The following SYNE2 variants were observed in gnomAD, a reference collection of about 807,000 sequenced individuals.
SYNE2 encodes nesprin-2.
A neutral mutation model predicts 856.3 loss-of-function variants in SYNE2; 431 were observed. The ratio of observed to expected loss-of-function variants is 0.50; its 90% CI spans 0.47 to 0.55. The LOEUF (loss-of-function observed/expected upper bound fraction) is 0.55. Ranked by LOEUF, SYNE2 falls within the 20% of genes least tolerant of loss-of-function variation. The pLI is 0.00. For synonymous variants in SYNE2, 2,923 were observed against 2,872.3 expected (o/e 1.02, Z -0.56); for missense variants, 8,129 against 8,023.2 (o/e 1.01, Z -0.50).
chr14:63,996,833 G>A (rs187939421), intron 23 of SYNE2, 114 bp from the exon 24 acceptor site: 620 of 947,952 alleles, frequency 6.5e-4, no homozygotes, highest in Non-Finnish European at 8.8e-4. Context: ...GCATGTAGAT[G>A]GCCTATACAA....
intron 35 of SYNE2, 108 bp from the exon 36 acceptor site, chr14:64,021,207 A>G (rs1261852806): frequency 3.5e-6 from 3 of 862,604 alleles, no homozygotes; most frequent in South Asian, 1.4e-5. Context: ...AAAAGAATGC[A>G]TTTCACATTG....
intron 100 of SYNE2, among the ~76,000 whole-genome samples, chr14:64,204,732 T>C (rs2098597001): frequency 6.6e-6 from 1 of 152,178 alleles, no homozygotes; most frequent in African/African-American, 2.4e-5. Flanking sequence ...GGACTACCAT[T>C]ATTGTAAAGA....
rs1196877660 is a variant in SYNE2 at position 64,158,811 on chromosome 14, C to T, written c.15963+16C>T. ...GAACCTTCAGGTAAATTAACCAGAG[C>T]TTGGCATGGTGCATTATTGGCAGGA... On this transcript the variant is annotated intron_variant, in intron 86 of 115. Transcript: ENST00000555002. 6.2e-7 allele frequency: 1 copy of T among 1,613,390 alleles called. No homozygotes were observed. Among genetic ancestry groups the T allele is most frequent in the Non-Finnish European group, 8.5e-7 (1 of 1,179,590 alleles).
At chr14:64,011,867 TGA>T (rs1348547004) in intron 32 of SYNE2, among the ~76,000 whole-genome samples, 4 of 152,182 alleles carry the variant, frequency 2.6e-5, no homozygotes, top group Admixed American at 1.3e-4. Context: ...CATTCCTGGG[TGA>T]GTCTCCCTAA....
intron 1 of SYNE2, among the ~76,000 whole-genome samples, chr14:63,871,374 T>C (rs1896801336): frequency 6.6e-6 from 1 of 151,840 alleles, no homozygotes; most frequent in African/African-American, 2.4e-5. Context: ...CCCGGCTAAT[T>C]TTTTTGTATT....
intron 1 of SYNE2, among the ~76,000 whole-genome samples, chr14:63,841,437 A>T (rs1338304325): frequency 6.6e-6 from 1 of 152,210 alleles, no homozygotes; most frequent in Non-Finnish European, 1.5e-5. Context: ...AAACCCTAAG[A>T]TAAATCATCT....
intron 8 of SYNE2, among the ~76,000 whole-genome samples, chr14:63,955,610 G>A (rs10145672): frequency 0.19 from 29,635 of 151,978 alleles, 3,298 homozygotes; most frequent in African/African-American, 0.31. Flanking sequence ...GGTCAAGCAC[G>A]TATGAATTCT....
At chr14:64,152,519 T>C in intron 84 of SYNE2, 45 bp from the exon 85 acceptor site, 2 of 1,603,796 alleles carry the variant, frequency 1.2e-6, no homozygotes, top group Non-Finnish European at 1.7e-6. Context: ...TATTAATTGT[T>C]TTGTAATATT....
chr14:64,149,289 C>T (rs1250887586), intron 84 of SYNE2, among the ~76,000 whole-genome samples: 7 of 151,890 alleles, frequency 4.6e-5, no homozygotes, highest in Admixed American at 1.3e-4. Flanking sequence ...CTGGATAAGA[C>T]CCCATCTCTA....
chr14:64,202,329 C>A (rs1350757119), intron 99 of SYNE2: 1 of 701,674 alleles, frequency 1.4e-6, no homozygotes, highest in Non-Finnish European at 2.6e-6. Flanking sequence ...GCCTTGTGGA[C>A]CAAATACCAC....
intron 96 of SYNE2, among the ~76,000 whole-genome samples, chr14:64,182,952 A>T (rs7159868): frequency 0.22 from 32,686 of 151,324 alleles, 3,837 homozygotes; most frequent in Middle Eastern, 0.3. Context: ...CACTTCCCAG[A>T]AGGGGCGGCC....
At chr14:63,919,583 T>C (rs1305812548) in intron 2 of SYNE2, among the ~76,000 whole-genome samples, 7 of 152,080 alleles carry the variant, frequency 4.6e-5, no homozygotes, top group Non-Finnish European at 1.5e-5. Flanking sequence ...CCTTTGGGTC[T>C]TTCCGTGTTT....
chr14:63,940,261 G>A (rs528530791), intron 2 of SYNE2, among the ~76,000 whole-genome samples: 1 of 151,900 alleles, frequency 6.6e-6, no homozygotes, highest in African/African-American at 2.4e-5. Flanking sequence ...TCTGTATGTT[G>A]TCCAGGCTGG....
intron 3 of SYNE2, 82 bp from the exon 4 acceptor site, chr14:63,941,613 A>G: frequency 8.1e-7 from 1 of 1,229,920 alleles, no homozygotes; most frequent in South Asian, 1.3e-5. Context: ...TTAGTTTTTC[A>G]CAAAGCACAT....
intron 6 of SYNE2, among the ~76,000 whole-genome samples, chr14:63,945,015 C>T (rs946849995): frequency 6.7e-6 from 1 of 150,034 alleles, no homozygotes; most frequent in East Asian, 1.9e-4. Context: ...ACCATGTTGG[C>T]CAGGCTAGCC....
chr14:64,104,552 C>T (rs1405516833), intron 64 of SYNE2, among the ~76,000 whole-genome samples: 3 of 150,570 alleles, frequency 2.0e-5, no homozygotes, highest in Middle Eastern at 3.5e-3. Context: ...TGGGTTCAAG[C>T]GATTCTCCTG....
intron 33 of SYNE2, among the ~76,000 whole-genome samples, chr14:64,017,384 A>G (rs1282583123): frequency 1.3e-5 from 2 of 151,298 alleles, no homozygotes; most frequent in Non-Finnish European, 2.9e-5. Flanking sequence ...TTTCAATTGC[A>G]TATAAGCTAC....
intron 77 of SYNE2, among the ~76,000 whole-genome samples, chr14:64,133,369 A>G (rs535252814): frequency 6.6e-6 from 1 of 152,188 alleles, no homozygotes; most frequent in Non-Finnish European, 1.5e-5. Context: ...TGAGTGTTCT[A>G]TAAAAGCCAA....
intron 2 of SYNE2, among the ~76,000 whole-genome samples, chr14:63,912,055 C>T (rs528806210): frequency 6.6e-6 from 1 of 152,166 alleles, no homozygotes; most frequent in African/African-American, 2.4e-5. Context: ...GGTAGAAAGC[C>T]AATACTATAA....
Sources: gnomAD v4.1 joint callset for allele counts (sites outside exome capture counted in the v4.1 genomes callset) on GRCh38, gnomAD v4.1.1 for gene constraint, MANE v1.5 for transcripts, NCBI Gene and HGNC (gene_info 2026-07-23, HGNC 2026-07-21) for gene names.